The following CMTM7 variants were observed in gnomAD, a reference collection of about 807,000 sequenced individuals.
CMTM7 encodes the protein CKLF like MARVEL transmembrane domain containing 7.
CMTM7 carries 7 observed loss-of-function variants against 19.3 expected under a neutral mutation model. The ratio of observed to expected loss-of-function variants is 0.36; its 90% CI spans 0.21 to 0.68. The LOEUF (loss-of-function observed/expected upper bound fraction) is 0.68, where lower values mean the gene tolerates loss of function less well. Among genes scored for constraint, CMTM7 ranks in the 30% least tolerant of loss-of-function variants. CMTM7 has a pLI of 0.60. For synonymous variants in CMTM7, 87 were observed against 99.3 expected (o/e 0.88, Z 0.74); for missense variants, 193 against 232.6 (o/e 0.83, Z 1.11).
chr3:32,407,574 T>C (rs1156390777), intron 1 of CMTM7, among the ~76,000 whole-genome samples: 1 of 152,176 alleles, frequency 6.6e-6, no homozygotes, highest in Non-Finnish European at 1.5e-5. Context: ...GTGGGGGCCT[T>C]CGTGACACAT....
chr3:32,440,133 G>C (rs939157819), intron 1 of CMTM7, among the ~76,000 whole-genome samples: 1 of 151,756 alleles, frequency 6.6e-6, no homozygotes, highest in Non-Finnish European at 1.5e-5. Flanking sequence ...CTGGCCAGGC[G>C]TGGTGGCTCA....
chr3:32,413,177 C>T (rs183249423), intron 1 of CMTM7, among the ~76,000 whole-genome samples: 60 of 152,214 alleles, frequency 3.9e-4, no homozygotes, highest in Non-Finnish European at 7.2e-4. Flanking sequence ...TTGTGTGGCC[C>T]GCAAAGCCTA....
At chr3:32,448,280 G>T (rs1383194745) in intron 2 of CMTM7, among the ~76,000 whole-genome samples, 1 of 152,112 alleles carries the variant, frequency 6.6e-6, no homozygotes, top group Non-Finnish European at 1.5e-5. Context: ...CTGTTCTTCA[G>T]TTAAAATCTC....
chr3:32,430,407 C>A (rs1696498572), intron 1 of CMTM7, among the ~76,000 whole-genome samples: 1 of 152,068 alleles, frequency 6.6e-6, no homozygotes, highest in Non-Finnish European at 1.5e-5. Context: ...TATTACAAAC[C>A]CCAGAGAGCC....
At chr3:32,393,742 C>G (rs1575105541) in intron 1 of CMTM7, among the ~76,000 whole-genome samples, 1 of 140,740 alleles carries the variant, frequency 7.1e-6, no homozygotes, top group Non-Finnish European at 1.5e-5. Flanking sequence ...TGCCACTGCA[C>G]TAGTCTGCGT....
chr3:32,393,501 A>G (rs1172215297), intron 1 of CMTM7, among the ~76,000 whole-genome samples: 1 of 152,218 alleles, frequency 6.6e-6, no homozygotes, highest in African/African-American at 2.4e-5. Context: ...AGAAGCCTCC[A>G]TCTTGGCCCC....
At chr3:32,432,844 C>G (rs1221485496) in intron 1 of CMTM7, among the ~76,000 whole-genome samples, 1 of 152,148 alleles carries the variant, frequency 6.6e-6, no homozygotes, top group East Asian at 1.9e-4. Flanking sequence ...GGGTTCAACC[C>G]TCAATGCCCT....
At position 32,454,361 on chromosome 3, in the gene CMTM7, G is replaced by C. The variant is rs1437868980; in HGVS notation, c.*107G>C. ...CCTGTGCCAAAGTCCTGTCAGGCTG[G>C]TGGGCACCAGGAAAGGCCTGCACCC... On this transcript the variant is annotated 3_prime_UTR_variant, in exon 5 of 5. Coordinates refer to ENST00000334983, the MANE Select transcript of CMTM7 (RefSeq NM_138410.4). 9 of 1,401,852 alleles carry C rather than the reference G, an allele frequency of 6.4e-6. No homozygotes were observed. The highest frequency in any genetic ancestry group is 9.0e-6 in the Non-Finnish European group (9 of 996,668). 86.8% of individuals were successfully genotyped at this position (1,401,852 alleles called of 1,614,324 possible). A position where few individuals can be genotyped will look rare whatever the true frequency, so the allele number is the denominator to read the frequency against.
At chr3:32,428,316 G>A (rs1488716557) in intron 1 of CMTM7, among the ~76,000 whole-genome samples, 2 of 152,196 alleles carry the variant, frequency 1.3e-5, no homozygotes, top group African/African-American at 4.8e-5. Context: ...CTCAGAGTCC[G>A]ACTCCTGGGG....
intron 2 of CMTM7, among the ~76,000 whole-genome samples, chr3:32,442,351 C>A (rs1696690977): frequency 1.3e-5 from 2 of 151,532 alleles, no homozygotes; most frequent in Non-Finnish European, 2.9e-5. Flanking sequence ...TACAAAAAAT[C>A]AGCCGGGCGT....
intron 1 of CMTM7, among the ~76,000 whole-genome samples, chr3:32,422,394 A>G (rs1696358524): frequency 6.6e-6 from 1 of 152,238 alleles, no homozygotes; most frequent in Non-Finnish European, 1.5e-5. Flanking sequence ...CTGGCCCCAC[A>G]GCTTCTCCAA....
chr3:32,400,546 C>T (rs985803980), intron 1 of CMTM7, among the ~76,000 whole-genome samples: 1 of 151,686 alleles, frequency 6.6e-6, no homozygotes, highest in Non-Finnish European at 1.5e-5. Flanking sequence ...ATATGTGCCA[C>T]CATGCCCAGC....
chr3:32,399,731 T>G (rs1695973604), intron 1 of CMTM7, among the ~76,000 whole-genome samples: 1 of 152,190 alleles, frequency 6.6e-6, no homozygotes, highest in East Asian at 1.9e-4. Context: ...TGCACACCCA[T>G]GTCCTACTTC....
chr3:32,399,926 C>T (rs1695976219), intron 1 of CMTM7, among the ~76,000 whole-genome samples: 1 of 152,146 alleles, frequency 6.6e-6, no homozygotes, highest in Admixed American at 6.5e-5. Flanking sequence ...CTTTGGGGAG[C>T]ACAAGAAGAA....
chr3:32,447,159 AT>A lies in CMTM7; in HGVS notation c.334-2287del, dbSNP rs59751517. On this transcript the variant is annotated intron_variant, in intron 2 of 4. Coordinates refer to ENST00000334983, the MANE Select transcript of CMTM7 (RefSeq NM_138410.4). ...CAGGTATTTTCTGATTTCTCTTATG[AT>A]TTTTTTTCTTTGATCCATTCATTAT... Among the ~76,000 whole-genome samples, 1,068 of 151,326 alleles carry A rather than the reference AT, an allele frequency of 7.1e-3. 13 individuals are homozygous for A. Among genetic ancestry groups the A allele is most frequent in the African/African-American group, 0.024 (972 of 41,180 alleles).
intron 1 of CMTM7, among the ~76,000 whole-genome samples, chr3:32,397,859 C>A (rs1202181398): frequency 6.6e-6 from 1 of 152,134 alleles, no homozygotes; most frequent in African/African-American, 2.4e-5. Flanking sequence ...AAGATGGAGT[C>A]ACTCTGGTTA....
intron 1 of CMTM7, among the ~76,000 whole-genome samples, chr3:32,408,066 T>C (rs1403471792): frequency 6.6e-6 from 1 of 152,138 alleles, no homozygotes; most frequent in Non-Finnish European, 1.5e-5. Context: ...CAAGTGCCCT[T>C]GTAAGAGACA....
intron 1 of CMTM7, among the ~76,000 whole-genome samples, chr3:32,406,927 G>A (rs74879729): frequency 0.12 from 18,001 of 152,176 alleles, 1,141 homozygotes; most frequent in South Asian, 0.17. Context: ...TAAACTCCCA[G>A]GGATCTCTGA....
At chr3:32,394,416 A>T (rs564119451) in intron 1 of CMTM7, among the ~76,000 whole-genome samples, 1 of 152,268 alleles carries the variant, frequency 6.6e-6, no homozygotes, top group African/African-American at 2.4e-5. Flanking sequence ...GCTTCTCATG[A>T]AATGTTTTCA....
Sources: gnomAD v4.1 joint callset for allele counts (sites outside exome capture counted in the v4.1 genomes callset) on GRCh38, gnomAD v4.1.1 for gene constraint, MANE v1.5 for transcripts, NCBI Gene and HGNC (gene_info 2026-07-23, HGNC 2026-07-21) for gene names.